The following DNA2 variants were observed in gnomAD, a reference collection of about 807,000 sequenced individuals.
DNA2 encodes DNA replication helicase/nuclease 2, also known as DNA replication ATP-dependent helicase/nuclease DNA2.
In DNA2, 101 loss-of-function variants were observed where a neutral mutation model predicts 119.1. The observed-to-expected ratio is 0.85, with a 90% CI of 0.72 to 1.00. The LOEUF is 1.00. Ranked by LOEUF, DNA2 falls within the 50% of genes least tolerant of loss-of-function variation. The pLI is 0.00. For synonymous variants in DNA2, 366 were observed against 424.4 expected (o/e 0.86, Z 1.69); for missense variants, 1,121 against 1,255.5 (o/e 0.89, Z 1.62).
In DNA2 at chr10:68,432,484, G is replaced by A; in HGVS notation, c.1673C>T (p.Thr558Ile). ...DRNLSVLPESTLFRLDQEEKN... is the reference protein window; with the variant it reads ...DRNLSVLPESILFRLDQEEKN... ...TTCTTCTTGGTCTAATCTGAACAAA[G>A]TTGATTCTGGAAGGACCGACAAGTT... Residue 558 changes from threonine (T) to isoleucine (I), a missense_variant, in exon 11 of 21, where the codon ACT (threonine) becomes ATT (isoleucine). Transcript: ENST00000358410. The A allele has an allele frequency of 6.4e-7, 1 of 1,569,160 alleles. No individual in the cohort carries two copies. Among genetic ancestry groups the A allele is most frequent in the Non-Finnish European group, 8.6e-7 (1 of 1,157,124 alleles).
chr10:68,425,322 C>T (rs2051724901), intron 14 of DNA2, among the ~76,000 whole-genome samples: 1 of 151,386 alleles, frequency 6.6e-6, no homozygotes, highest in South Asian at 2.1e-4. Context: ...TCTCGAACGC[C>T]TGACCTCGTG....
At chr10:68,442,714 C>T (rs182831768) in intron 9 of DNA2, among the ~76,000 whole-genome samples, 2 of 152,350 alleles carry the variant, frequency 1.3e-5, no homozygotes, top group East Asian at 1.9e-4. Flanking sequence ...ATATTACTAA[C>T]TAGCAATGAT....
At chr10:68,421,796 G>C (rs2051668411) in intron 17 of DNA2, among the ~76,000 whole-genome samples, 1 of 149,958 alleles carries the variant, frequency 6.7e-6, no homozygotes, top group Admixed American at 6.7e-5. Context: ...GTTGAAGTAT[G>C]AGAAGTACAT....
At chr10:68,442,121 C>T (rs1236416950) in intron 9 of DNA2, among the ~76,000 whole-genome samples, 1 of 151,862 alleles carries the variant, frequency 6.6e-6, no homozygotes, top group Non-Finnish European at 1.5e-5. Flanking sequence ...TGCCATGTTG[C>T]CCAGGCGGGT....
At chr10:68,423,051 A>T (rs894991274) in intron 14 of DNA2, among the ~76,000 whole-genome samples, 161 bp from the exon 15 acceptor site, 3 of 152,158 alleles carry the variant, frequency 2.0e-5, no homozygotes, top group Non-Finnish European at 4.4e-5. Flanking sequence ...GCAAATTTTA[A>T]TTTTTTTCTA....
chr10:68,437,551 G>A (rs1156248127), intron 9 of DNA2, among the ~76,000 whole-genome samples: 3 of 152,048 alleles, frequency 2.0e-5, no homozygotes, highest in Non-Finnish European at 2.9e-5. Flanking sequence ...TCAGGAGGCT[G>A]AGGCAGGAGA....
rs71009067 is a variant in DNA2 at position 68,464,829 on chromosome 10, C to CAAAAAA, written c.587+832_587+837dup. Among the ~76,000 whole-genome samples, 17 of 40,668 alleles carry CAAAAAA rather than the reference C, an allele frequency of 4.2e-4. 2 individuals are homozygous for CAAAAAA. Among genetic ancestry groups the CAAAAAA allele is most frequent in the African/African-American group, 1.5e-3 (16 of 10,416 alleles). 26.7% of individuals were successfully genotyped at this position (40,668 alleles called of 152,430 possible). A position where few individuals can be genotyped will look rare whatever the true frequency, so the allele number is the denominator to read the frequency against. ...GGACAACAAGAGCGAAACTCCACCT[C>CAAAAAA]AAAAAAAAAAAAAAAAAAAAAAAAA... On this transcript the variant is annotated intron_variant, in intron 4 of 20. Transcript: ENST00000358410.
chr10:68,423,425 G>A (rs2051693090), intron 14 of DNA2, among the ~76,000 whole-genome samples: 1 of 152,172 alleles, frequency 6.6e-6, no homozygotes, highest in Non-Finnish European at 1.5e-5. Flanking sequence ...TGGAACTGAA[G>A]GAGCCACGGC....
rs2051837167 is a variant in DNA2 at position 68,432,522 on chromosome 10, A to C, written c.1647-12T>G. 2.9e-6 allele frequency: 4 copies of C among 1,372,650 alleles called. 1 individual carries two copies. In the East Asian group the frequency reaches 9.7e-5, roughly 33 times the overall value. 85.0% of individuals were successfully genotyped at this position (1,372,650 alleles called of 1,614,324 possible). ...GGACCGACAAGTTTCTAAAACAACA[A>C]AACAAATATACATGAATGCTCGCCA... On this transcript the variant is annotated splice_polypyrimidine_tract_variant and intron_variant, in intron 10 of 20. Coordinates refer to ENST00000358410, the MANE Select transcript of DNA2 (RefSeq NM_001080449.3).
At chr10:68,448,663 G>C (rs1255415474) in intron 6 of DNA2, among the ~76,000 whole-genome samples, 1 of 151,840 alleles carries the variant, frequency 6.6e-6, no homozygotes, top group Non-Finnish European at 1.5e-5. Flanking sequence ...ATCTCCAATT[G>C]AACAAAATTA....
chr10:68,441,891 T>A (rs2051973433), intron 9 of DNA2, among the ~76,000 whole-genome samples: 1 of 152,146 alleles, frequency 6.6e-6, no homozygotes, highest in Non-Finnish European at 1.5e-5. Context: ...TTATCACCGA[T>A]GAAAAAGTGT....
chr10:68,448,195 A>G (rs1028016049), intron 6 of DNA2, among the ~76,000 whole-genome samples: 2 of 151,972 alleles, frequency 1.3e-5, no homozygotes, highest in Non-Finnish European at 2.9e-5. Flanking sequence ...AATGATCCAA[A>G]ACAAAAATGA....
intron 14 of DNA2, among the ~76,000 whole-genome samples, chr10:68,426,041 C>T (rs1294148868): frequency 6.6e-6 from 1 of 151,810 alleles, no homozygotes; most frequent in African/African-American, 2.4e-5. Context: ...GAAGCTGAGG[C>T]ATGAGAACCA....
chr10:68,463,067 G>A (rs2052279422), intron 4 of DNA2, among the ~76,000 whole-genome samples: 1 of 152,040 alleles, frequency 6.6e-6, no homozygotes, highest in Admixed American at 6.6e-5. Context: ...GGGAGACAGA[G>A]GTTGCAATGA....
At chr10:68,457,262 C>G (rs1287996263) in intron 5 of DNA2, among the ~76,000 whole-genome samples, 1 of 152,206 alleles carries the variant, frequency 6.6e-6, no homozygotes, top group Non-Finnish European at 1.5e-5. Flanking sequence ...TCCTACTGCA[C>G]TTTGCTCTAG....
intron 10 of DNA2, among the ~76,000 whole-genome samples, chr10:68,434,429 C>T (rs928311537): frequency 6.6e-6 from 1 of 152,114 alleles, no homozygotes; most frequent in Non-Finnish European, 1.5e-5. Flanking sequence ...AGGAGGATCA[C>T]TTGAGCCCAT....
intron 4 of DNA2, among the ~76,000 whole-genome samples, chr10:68,460,949 T>C (rs1175888692): frequency 6.6e-6 from 1 of 151,686 alleles, no homozygotes; most frequent in African/African-American, 2.4e-5. Flanking sequence ...AACAGTGACA[T>C]GACATCAAAT....
At chr10:68,430,366 G>C (rs1010824814) in intron 14 of DNA2, 70 bp downstream of exon 14, 7 of 1,123,378 alleles carry the variant, frequency 6.2e-6, no homozygotes, top group Non-Finnish European at 8.9e-6. Flanking sequence ...ATTTCCCAGA[G>C]TACAGTTTCT....
At position 68,441,602 on chromosome 10, in the gene DNA2, C is replaced by G. The variant is rs1057514355; in HGVS notation, c.1415+1315G>C. ...ACCAGCCTGGCCAAGATGGTGAAAC[C>G]CTGTCTCTACTAAAACTACAAAAAT... On this transcript the variant is annotated intron_variant, in intron 9 of 20. Coordinates refer to ENST00000358410, the MANE Select transcript of DNA2 (RefSeq NM_001080449.3). 2.0e-5 allele frequency among the ~76,000 whole-genome samples: 3 copies of G among 151,916 alleles called. No individual in the cohort carries two copies. In the East Asian group the frequency reaches 5.8e-4, roughly 30 times the overall value.
Sources: gnomAD v4.1 joint callset for allele counts (sites outside exome capture counted in the v4.1 genomes callset) on GRCh38, gnomAD v4.1.1 for gene constraint, MANE v1.5 for transcripts, NCBI Gene and HGNC (gene_info 2026-07-23, HGNC 2026-07-21) for gene names.